Variants in MPPED1 observed in about 807,000 individuals in gnomAD.
The protein encoded by MPPED1 is metallophosphoesterase domain-containing protein 1.
In MPPED1, 16 loss-of-function variants were observed where a neutral mutation model predicts 36.2. That is an observed-to-expected ratio of 0.44 (90% CI 0.30 to 0.67). The LOEUF (loss-of-function observed/expected upper bound fraction) is 0.67. Ranked by LOEUF, MPPED1 falls within the 30% of genes least tolerant of loss-of-function variation. The probability of loss-of-function intolerance (pLI) is 0.10; values close to 1 mark genes in which losing one functional copy is unlikely to be tolerated. For missense variants in MPPED1, 307 were observed against 453.4 expected (o/e 0.68, Z 2.93); for synonymous variants, 199 against 191.3 (o/e 1.04, Z -0.33).
intron 3 of MPPED1, 141 bp downstream of exon 3, chr22:43,435,356 T>C: frequency 1.2e-6 from 1 of 864,906 alleles, no homozygotes; most frequent in Non-Finnish European, 1.7e-6. Context: ...TCACCCTCCC[T>C]GACCTCTCAG....
rs1555904565 is a variant in MPPED1, at chr22:43,497,929, G to GTGTATATATATA, written c.633-305_633-304insGTATATATATAT. On this transcript the variant is annotated intron_variant, in intron 4 of 6. Coordinates refer to ENST00000443721, the MANE Select transcript of MPPED1 (RefSeq NM_001044370.2). ...CTTAGGAAGAAGCTGATATATATAT[G>GTGTATATATATA]TATATGTATATATATATATGTATTT... Among the ~76,000 whole-genome samples the GTGTATATATATA allele has an allele frequency of 1.9e-3, 91 of 48,616 alleles. 2 individuals are homozygous for GTGTATATATATA. Among genetic ancestry groups the GTGTATATATATA allele is most frequent in the Non-Finnish European group, 2.6e-3 (50 of 19,136 alleles). The allele number at this position is 48,616 out of a possible 152,430, so 31.9% of individuals were successfully genotyped here. A position where few individuals can be genotyped will look rare whatever the true frequency, so the allele number is the denominator to read the frequency against.
chr22:43,491,442 A>G (rs1932079300), intron 4 of MPPED1, among the ~76,000 whole-genome samples: 1 of 148,216 alleles, frequency 6.7e-6, no homozygotes, highest in African/African-American at 2.5e-5. Context: ...GGTGATAGTG[A>G]TAGAGGAGGC....
intron 3 of MPPED1, among the ~76,000 whole-genome samples, chr22:43,463,970 G>A (rs1167286757): frequency 3.3e-5 from 5 of 151,194 alleles, no homozygotes; most frequent in South Asian, 4.2e-4. Flanking sequence ...GTGTAGTGAC[G>A]TGATCTCGAC....
intron 2 of MPPED1, among the ~76,000 whole-genome samples, chr22:43,430,516 G>A (rs1265990887): frequency 6.6e-6 from 1 of 152,300 alleles, no homozygotes; most frequent in Middle Eastern, 3.4e-3. Flanking sequence ...GTCGGAGGCC[G>A]TGTTCTCTCC....
intron 4 of MPPED1, among the ~76,000 whole-genome samples, chr22:43,481,432 G>A (rs1387925886): frequency 1.3e-5 from 2 of 152,128 alleles, no homozygotes; most frequent in Non-Finnish European, 2.9e-5. Context: ...GGCGTCTGAG[G>A]CTTCATAGGG....
intron 4 of MPPED1, among the ~76,000 whole-genome samples, chr22:43,479,519 C>G (rs1931684110): frequency 6.6e-6 from 1 of 152,190 alleles, no homozygotes; most frequent in Non-Finnish European, 1.5e-5. Flanking sequence ...TAGGCAGGCG[C>G]CCAGGGGAGA....
intron 4 of MPPED1, among the ~76,000 whole-genome samples, chr22:43,484,846 C>T (rs935201892): frequency 6.6e-6 from 1 of 152,148 alleles, no homozygotes; most frequent in African/African-American, 2.4e-5. Flanking sequence ...GGGCCCAAGG[C>T]AGCCAGCAGT....
intron 2 of MPPED1, among the ~76,000 whole-genome samples, chr22:43,430,941 A>T (rs187268197): frequency 1.4e-3 from 207 of 150,726 alleles, no homozygotes; most frequent in African/African-American, 4.8e-3. Flanking sequence ...AAGAATTTCA[A>T]GCTTGGGTCT....
intron 3 of MPPED1, among the ~76,000 whole-genome samples, chr22:43,457,457 A>C (rs1214226958): frequency 3.3e-5 from 5 of 152,114 alleles, no homozygotes; most frequent in Admixed American, 1.3e-4. Context: ...AAAATTAAAA[A>C]TTTTAATCTC....
intron 4 of MPPED1, among the ~76,000 whole-genome samples, chr22:43,481,389 G>A (rs11703733): frequency 0.39 from 58,578 of 151,892 alleles, 12,014 homozygotes; most frequent in East Asian, 0.58. Flanking sequence ...TTATTACTCC[G>A]GCAGTTGATT....
intron 3 of MPPED1, among the ~76,000 whole-genome samples, chr22:43,445,503 G>T (rs946586724): frequency 6.0e-5 from 9 of 150,028 alleles, no homozygotes; most frequent in Admixed American, 2.0e-4. Flanking sequence ...GAGGACACAC[G>T]TACCCTGCCC....
intron 3 of MPPED1, among the ~76,000 whole-genome samples, chr22:43,469,399 G>C (rs1931285832): frequency 7.3e-6 from 1 of 136,826 alleles, no homozygotes; most frequent in African/African-American, 2.8e-5. Context: ...TTTAGATGGA[G>C]GGTTGTGATG....
chr22:43,467,826 A>G (rs1489401134), intron 3 of MPPED1, among the ~76,000 whole-genome samples: 1 of 151,750 alleles, frequency 6.6e-6, no homozygotes, highest in Non-Finnish European at 1.5e-5. Flanking sequence ...CGGGCTCAAT[A>G]CTTTGCTCCG....
chr22:43,491,850 G>C (rs367816088), intron 4 of MPPED1, among the ~76,000 whole-genome samples: 1 of 150,122 alleles, frequency 6.7e-6, no homozygotes, highest in Admixed American at 6.6e-5. Flanking sequence ...TGAGGTGCTG[G>C]TGATGGAGGT....
intron 3 of MPPED1, among the ~76,000 whole-genome samples, chr22:43,464,021 G>C (rs1931073385): frequency 2.0e-5 from 3 of 151,938 alleles, no homozygotes; most frequent in African/African-American, 7.2e-5. Context: ...TGATTCTCCT[G>C]CCTCAGTCTC....
chr22:43,485,398 A>G (rs1931881462), intron 4 of MPPED1, among the ~76,000 whole-genome samples: 1 of 152,044 alleles, frequency 6.6e-6, no homozygotes, highest in African/African-American at 2.4e-5. Context: ...GTATATTCAC[A>G]TATGTACATT....
chr22:43,470,324 T>C (rs1931330818), intron 3 of MPPED1, among the ~76,000 whole-genome samples: 1 of 151,148 alleles, frequency 6.6e-6, no homozygotes, highest in Non-Finnish European at 1.5e-5. Context: ...AAACCAGCCA[T>C]CTATCCATTC....
intron 3 of MPPED1, among the ~76,000 whole-genome samples, chr22:43,438,818 G>A (rs879329332): frequency 1.3e-5 from 2 of 152,090 alleles, no homozygotes; most frequent in Non-Finnish European, 2.9e-5. Flanking sequence ...GCCGCTCAAG[G>A]GCCTCCATGA....
intron 4 of MPPED1, among the ~76,000 whole-genome samples, chr22:43,483,324 C>T (rs1199754086): frequency 6.6e-6 from 1 of 152,252 alleles, no homozygotes; most frequent in East Asian, 1.9e-4. Flanking sequence ...AGGCAGCCCC[C>T]ACTCCCCCAG....
Sources: gnomAD v4.1 joint callset for allele counts (sites outside exome capture counted in the v4.1 genomes callset) on GRCh38, gnomAD v4.1.1 for gene constraint, MANE v1.5 for transcripts, NCBI Gene and HGNC (gene_info 2026-07-23, HGNC 2026-07-21) for gene names.